C8orf89: variants seen among roughly 807,000 people sequenced by gnomAD.
C8orf89 encodes the protein putative uncharacterized protein C8orf89.
In C8orf89, 14 loss-of-function variants were observed where a neutral mutation model predicts 15.8. The observed-to-expected ratio is 0.89, with a 90% confidence interval of 0.59 to 1.39. C8orf89 has a LOEUF of 1.39. Ranked by LOEUF, C8orf89 falls within the 40% of genes most tolerant of loss-of-function variation. The pLI, the probability that C8orf89 is intolerant of heterozygous loss-of-function variation, is 0.00. For missense variants in C8orf89, 181 were observed against 184.5 expected (o/e 0.98, Z 0.11); for synonymous variants, 55 against 62.2 (o/e 0.88, Z 0.54).
chr8:73,265,711 C>T, the C8orf89 span, among the ~76,000 whole-genome samples: 1 of 152,218 alleles, frequency 6.6e-6, no homozygotes, highest in South Asian at 2.1e-4. Context: ...GAGCAATCAG[C>T]ATACAAAAAG....
At chr8:73,256,726 CAAAAA>C (rs11288188) in intron 2 of C8orf89, among the ~76,000 whole-genome samples, 1 of 43,702 alleles carries the variant, frequency 2.3e-5, no homozygotes, top group Non-Finnish European at 4.5e-5. Flanking sequence ...GACTCTGTCT[CAAAAA>C]AAAAAAAAAA....
intron 3 of C8orf89, among the ~76,000 whole-genome samples, chr8:73,245,816 T>C (rs1394408691): frequency 6.6e-6 from 1 of 152,198 alleles, no homozygotes; most frequent in Non-Finnish European, 1.5e-5. Context: ...TCAAAATGAT[T>C]GAGCCAATAT....
the C8orf89 span, chr8:73,277,586 T>C: frequency 5.1e-5 from 39 of 763,120 alleles, no homozygotes; most frequent in African/African-American, 5.8e-4. Flanking sequence ...CCCAGACAGA[T>C]AAATCCCATA....
chr8:73,244,435 C>G (rs542749484), intron 3 of C8orf89, among the ~76,000 whole-genome samples: 1 of 152,018 alleles, frequency 6.6e-6, no homozygotes, highest in African/African-American at 2.4e-5. Flanking sequence ...TACGTATTAC[C>G]CCTAAATACA....
the C8orf89 span, among the ~76,000 whole-genome samples, chr8:73,270,375 GA>G: frequency 6.6e-6 from 1 of 152,144 alleles, no homozygotes; most frequent in Non-Finnish European, 1.5e-5. Context: ...ATCCTTACTT[GA>G]AAATTAACAG....
upstream of C8orf89, among the ~76,000 whole-genome samples, chr8:73,261,233 T>C (rs1813523587): frequency 1.3e-5 from 2 of 152,224 alleles, 1 homozygote; most frequent in South Asian, 4.1e-4. Flanking sequence ...CTATTAGTTC[T>C]GTCCCTCTAG....
chr8:73,280,746 C>T, the C8orf89 span, among the ~76,000 whole-genome samples: 1 of 150,472 alleles, frequency 6.6e-6, no homozygotes. Context: ...TATATATACA[C>T]ACACACACAT....
chr8:73,268,032 A>G, the C8orf89 span, among the ~76,000 whole-genome samples: 1 of 152,348 alleles, frequency 6.6e-6, no homozygotes, highest in African/African-American at 2.4e-5. Context: ...ACAAAACAAC[A>G]TATTAAATGG....
intron 2 of C8orf89, among the ~76,000 whole-genome samples, chr8:73,254,889 T>C: frequency 6.6e-6 from 1 of 152,194 alleles, no homozygotes; most frequent in Non-Finnish European, 1.5e-5. Flanking sequence ...ATTTAATAAA[T>C]GGTGCTGGGA....
At chr8:73,276,093 A>C in the C8orf89 span, among the ~76,000 whole-genome samples, 1 of 151,796 alleles carries the variant, frequency 6.6e-6, no homozygotes, top group Non-Finnish European at 1.5e-5. Flanking sequence ...GAAAGGGTTC[A>C]TAGGAAGTAA....
intron 3 of C8orf89, among the ~76,000 whole-genome samples, chr8:73,247,988 G>C (rs1813163366): frequency 6.6e-6 from 1 of 152,026 alleles, no homozygotes; most frequent in African/African-American, 2.4e-5. Context: ...CATTGCTTTT[G>C]GCATCTTCAT....
chr8:73,272,374 T>G, the C8orf89 span, among the ~76,000 whole-genome samples: 1 of 152,154 alleles, frequency 6.6e-6, no homozygotes, highest in African/African-American at 2.4e-5. Context: ...AATTAAAACA[T>G]CTAACATTCC....
At chr8:73,276,691 T>C in the C8orf89 span, among the ~76,000 whole-genome samples, 1 of 152,018 alleles carries the variant, frequency 6.6e-6, no homozygotes, top group South Asian at 2.1e-4. Context: ...TTAAATTCTG[T>C]AATCTTCAAG....
chr8:73,260,392 T>TC (rs1554577456), upstream of C8orf89, among the ~76,000 whole-genome samples: 14 of 137,294 alleles, frequency 1.0e-4, no homozygotes, highest in Non-Finnish European at 7.8e-5. Flanking sequence ...TGTCGTGGGG[T>TC]GGGGGAGGGG....
At chr8:73,274,608 CTA>C in the C8orf89 span, among the ~76,000 whole-genome samples, 1 of 152,044 alleles carries the variant, frequency 6.6e-6, no homozygotes, top group African/African-American at 2.4e-5. Flanking sequence ...TGTTTGCGTC[CTA>C]TGTTTTTAAG....
upstream of C8orf89, among the ~76,000 whole-genome samples, chr8:73,262,778 C>T (rs1295129556): frequency 6.7e-6 from 1 of 149,610 alleles, no homozygotes; most frequent in Non-Finnish European, 1.5e-5. Flanking sequence ...GATCATGCCA[C>T]TGCATTCTAG....
chr8:73,253,452 G>GT (rs1245134318), intron 2 of C8orf89, among the ~76,000 whole-genome samples: 3 of 151,992 alleles, frequency 2.0e-5, no homozygotes, highest in Non-Finnish European at 4.4e-5. Flanking sequence ...CTTTAAAGTA[G>GT]TTTTTTCCAA....
chr8:73,242,368 G>A lies in C8orf89; in HGVS notation c.338-763C>T, dbSNP rs531281946. On this transcript the variant is annotated intron_variant, in intron 3 of 3. Transcript: ENST00000624510. ...TCACGTCTATAATCCCAGCACTTTG[G>A]GAGGCTGAGGTGAGCAGATCCCTTG... 2.0e-5 allele frequency among the ~76,000 whole-genome samples: 3 copies of A among 152,210 alleles called. No homozygotes were observed. The South Asian group carries it at 6.2e-4, about 32-fold the overall frequency.
chr8:73,251,308 C>T (rs894735478), intron 2 of C8orf89, among the ~76,000 whole-genome samples: 2 of 152,102 alleles, frequency 1.3e-5, no homozygotes, highest in Admixed American at 6.5e-5. Flanking sequence ...GTACATAAAA[C>T]GAACAAAAAT....
Sources: gnomAD v4.1 joint callset for allele counts (sites outside exome capture counted in the v4.1 genomes callset) on GRCh38, gnomAD v4.1.1 for gene constraint, MANE v1.5 for transcripts, NCBI Gene and HGNC (gene_info 2026-07-23, HGNC 2026-07-21) for gene names.